The following ERG variants were observed in gnomAD, a reference collection of about 807,000 sequenced individuals.
The protein encoded by ERG is ETS transcription factor ERG, also known as transcriptional regulator ERG.
Under a neutral mutation model 55.3 loss-of-function variants are expected in ERG, and 9 were observed. The ratio of observed to expected loss-of-function variants is 0.16; its 90% CI spans 0.10 to 0.28. The LOEUF (loss-of-function observed/expected upper bound fraction) is 0.28. Among genes scored for constraint, ERG ranks in the 10% least tolerant of loss-of-function variants. The pLI is 1.00. For synonymous variants in ERG, 223 were observed against 237.3 expected (o/e 0.94, Z 0.55); for missense variants, 434 against 631.6 (o/e 0.69, Z 3.35).
At chr21:38,581,631 G>T (rs1236311896) in intron 1 of ERG, among the ~76,000 whole-genome samples, 2 of 152,204 alleles carry the variant, frequency 1.3e-5, no homozygotes, top group Non-Finnish European at 2.9e-5. Flanking sequence ...CCAGTGGCCA[G>T]TGATTTAATC....
chr21:38,622,000 G>A (rs1470602373), intron 1 of ERG, among the ~76,000 whole-genome samples: 1 of 152,232 alleles, frequency 6.6e-6, no homozygotes, highest in African/African-American at 2.4e-5. Flanking sequence ...GCTCAGGAAG[G>A]CAGCCTGATC....
intron 1 of ERG, among the ~76,000 whole-genome samples, chr21:38,632,535 T>G (rs781215396): frequency 7.9e-5 from 12 of 152,096 alleles, no homozygotes; most frequent in Non-Finnish European, 8.8e-5. Flanking sequence ...GAGCAGGTCT[T>G]TCCTGTGTTG....
At chr21:38,533,873 C>G (rs1337164877) in intron 2 of ERG, among the ~76,000 whole-genome samples, 1 of 152,154 alleles carries the variant, frequency 6.6e-6, no homozygotes, top group Admixed American at 6.5e-5. Flanking sequence ...CTTAAAATAG[C>G]CTGCCTTCAG....
chr21:38,417,288 T>G (rs1989321878), intron 3 of ERG, among the ~76,000 whole-genome samples: 1 of 152,224 alleles, frequency 6.6e-6, no homozygotes, highest in African/African-American at 2.4e-5. Flanking sequence ...GAGCTTTTAT[T>G]CACGGTGAAT....
intron 3 of ERG, among the ~76,000 whole-genome samples, chr21:38,418,658 G>T (rs1016511344): frequency 2.0e-5 from 3 of 152,022 alleles, no homozygotes; most frequent in African/African-American, 7.2e-5. Context: ...CAGGCGTGGT[G>T]GTTCATGCCT....
intron 2 of ERG, among the ~76,000 whole-genome samples, chr21:38,559,185 G>A (rs2059876798): frequency 6.6e-6 from 1 of 152,096 alleles, no homozygotes; most frequent in Admixed American, 6.6e-5. Context: ...GAAATCCATA[G>A]GAGGATCCTC....
At chr21:38,418,270 AGTGT>A (rs71184622) in intron 3 of ERG, among the ~76,000 whole-genome samples, 14 of 130,432 alleles carry the variant, frequency 1.1e-4, no homozygotes, top group Middle Eastern at 8.1e-3. Context: ...AACATTTGGA[AGTGT>A]GTGTGTGTGT....
intron 2 of ERG, among the ~76,000 whole-genome samples, chr21:38,504,609 CT>C (rs2059446572): frequency 6.6e-6 from 1 of 152,150 alleles, no homozygotes; most frequent in Admixed American, 6.5e-5. Context: ...AGCATAGATG[CT>C]ACAGACATCA....
chr21:38,472,380 C>A (rs954593147), intron 1 of ERG, among the ~76,000 whole-genome samples: 1 of 152,104 alleles, frequency 6.6e-6, no homozygotes, highest in Admixed American at 6.5e-5. Flanking sequence ...TAATAAACAC[C>A]CTTCAATTAC....
rs1025348126 is a variant in ERG at position 38,519,589 on chromosome 21, C to G, written c.-41+56073G>C. Among the ~76,000 whole-genome samples the G allele has an allele frequency of 2.6e-5, 4 of 152,142 alleles. No homozygotes were observed. The South Asian group carries it at 6.2e-4, about 24-fold the overall frequency. On this transcript the variant is annotated intron_variant, in intron 2 of 8. Transcript: ENST00000398897. ...CAACAGAAGATAGAGGACAAAGGAG[C>G]CCATTTGATGTAGTCGACAGAAGTC...
chr21:38,400,350 CT>C (rs1195531251), intron 6 of ERG: 3 of 644,228 alleles, frequency 4.7e-6, no homozygotes, highest in South Asian at 1.5e-5. Flanking sequence ...TTCTGAAAAG[CT>C]AGTTAAAGGG....
intron 1 of ERG, among the ~76,000 whole-genome samples, chr21:38,613,135 G>A (rs540675845): frequency 0.063 from 9,561 of 152,250 alleles, 954 homozygotes; most frequent in African/African-American, 0.22. Flanking sequence ...CACCGCATAG[G>A]AAGAAGGTGT....
intron 1 of ERG, among the ~76,000 whole-genome samples, chr21:38,641,740 AC>A (rs1239532700): frequency 6.6e-6 from 1 of 151,784 alleles, no homozygotes; most frequent in Non-Finnish European, 1.5e-5. Flanking sequence ...GAAAAAAAAA[AC>A]AAATTTCTGA....
chr21:38,411,895 T>C (rs1601355882), intron 3 of ERG, among the ~76,000 whole-genome samples: 1 of 152,258 alleles, frequency 6.6e-6, no homozygotes, highest in Non-Finnish European at 1.5e-5. Context: ...TGTAAGTTTA[T>C]CATTATTATA....
chr21:38,460,839 A>G lies in ERG; in HGVS notation c.19-15218T>C, dbSNP rs2059035203. 6.6e-6 allele frequency among the ~76,000 whole-genome samples: 1 copy of G among 152,224 alleles called. No individual in the cohort carries two copies. The highest frequency in any genetic ancestry group is 2.4e-5 in the African/African-American group (1 of 41,462). On this transcript the variant is annotated intron_variant, in intron 1 of 9. Coordinates refer to ENST00000288319, the MANE Select transcript of ERG (RefSeq NM_182918.4). The surrounding 1 kb of genome is among the most constrained non-coding windows in gnomAD (Gnocchi z 5.0). The stretch of plus-strand genomic sequence containing the variant: ...TAGGTTTTAACGAGCTCTGAATGGC[A>G]AATGGCAGACAATGGTGTCACTTCC...
At chr21:38,619,581 T>C (rs2060278147) in intron 1 of ERG, among the ~76,000 whole-genome samples, 1 of 152,242 alleles carries the variant, frequency 6.6e-6, no homozygotes, top group African/African-American at 2.4e-5. Flanking sequence ...CTAACAGGGA[T>C]AGCTCAGGAG....
intron 2 of ERG, among the ~76,000 whole-genome samples, chr21:38,516,612 C>A (rs541096280): frequency 4.0e-4 from 61 of 151,774 alleles, no homozygotes; most frequent in Admixed American, 2.2e-3. Context: ...TAGAAAAAAA[C>A]AATCCTAAAA....
upstream of ERG, among the ~76,000 whole-genome samples, chr21:38,499,117 C>T (rs1301757970): frequency 6.6e-6 from 1 of 152,078 alleles, no homozygotes. Context: ...ACAGTAAACA[C>T]AAAAAATAAA....
At chr21:38,648,215 T>C (rs1313473497) in intron 1 of ERG, among the ~76,000 whole-genome samples, 1 of 152,214 alleles carries the variant, frequency 6.6e-6, no homozygotes, top group Non-Finnish European at 1.5e-5. Context: ...CTAATTCTGA[T>C]CCTCATTTCC....
Sources: gnomAD v4.1 joint callset for allele counts (sites outside exome capture counted in the v4.1 genomes callset) on GRCh38, gnomAD v4.1.1 for gene constraint, Gnocchi (gnomAD v3.1) non-coding constraint, MANE v1.5 for transcripts, NCBI Gene and HGNC (gene_info 2026-07-23, HGNC 2026-07-21) for gene names.